The following ANK1 variants were observed in gnomAD, a reference collection of about 807,000 sequenced individuals.
ANK1 encodes the protein ankyrin 1, also known as ankyrin-1.
Under a neutral mutation model 210.4 loss-of-function variants are expected in ANK1, and 51 were observed. The ratio of observed to expected loss-of-function variants is 0.24; its 90% CI spans 0.19 to 0.31. ANK1 has a LOEUF of 0.31. Among genes scored for constraint, ANK1 ranks in the 10% least tolerant of loss-of-function variants. The probability of loss-of-function intolerance (pLI) is 1.00; values close to 1 mark genes in which losing one functional copy is unlikely to be tolerated. For synonymous variants in ANK1, 967 were observed against 1,025.9 expected (o/e 0.94, Z 1.10); for missense variants, 2,051 against 2,504.4 (o/e 0.82, Z 3.86).
chr8:41,704,050 C>T lies in ANK1; in HGVS notation c.2286G>A (p.Glu762=). Residue 762 remains glutamate (E), a synonymous_variant, in exon 20 of 43, where the codon GAG becomes GAA. Transcript: ENST00000289734. The surrounding 1 kb of genome is among the most constrained non-coding windows in gnomAD (Gnocchi z 4.1). ...GAGAGAGTGTACTCACCGAGCTGAC[C>T]TCGTTTGGGGAAGCACCGTTTTTCA... ...LLLKNGASPN[E]VSSDGTTPLA... 2 of 1,614,026 alleles carry T rather than the reference C, an allele frequency of 1.2e-6. No homozygotes were observed. Among genetic ancestry groups the T allele is most frequent in the Admixed American group, 1.7e-5 (1 of 60,022 alleles).
intron 2 of ANK1, among the ~76,000 whole-genome samples, chr8:41,737,003 A>T (rs1001785929): frequency 6.6e-6 from 1 of 152,108 alleles, no homozygotes; most frequent in African/African-American, 2.4e-5. Flanking sequence ...CCCGCTAAAA[A>T]CTACTGTGAT....
At chr8:41,844,538 C>T (rs1014770370) in intron 1 of ANK1, among the ~76,000 whole-genome samples, 3 of 152,146 alleles carry the variant, frequency 2.0e-5, no homozygotes, top group Non-Finnish European at 4.4e-5. Context: ...CACACTGCCA[C>T]AGGGGGGCGG....
At chr8:41,703,442 ATATATATATTT>A (rs1189123335) in intron 20 of ANK1, among the ~76,000 whole-genome samples, 3 of 66,614 alleles carry the variant, frequency 4.5e-5, no homozygotes, top group East Asian at 3.8e-4. Context: ...ATATATATAT[ATATATATATTT>A]TTTTTTTTTT....
intron 39 of ANK1, among the ~76,000 whole-genome samples, chr8:41,664,617 G>T (rs1408611759): frequency 6.6e-6 from 1 of 152,098 alleles, no homozygotes; most frequent in Non-Finnish European, 1.5e-5. Flanking sequence ...GGGCACCAGA[G>T]GGCAGGTTCT....
rs559751673 is a variant in ANK1, at chr8:41,743,760, C to T, written c.130-9691G>A. Among the ~76,000 whole-genome samples, 28 of 152,238 alleles carry T rather than the reference C, an allele frequency of 1.8e-4. 1 individual carries two copies. The East Asian group carries it at 2.7e-3, about 15-fold the overall frequency. On this transcript the variant is annotated intron_variant, in intron 2 of 42. Coordinates refer to ENST00000289734, the MANE Select transcript of ANK1 (RefSeq NM_000037.4). ...GGAGAGGAAAGGCTAGAAAGAATTC[C>T]GAGCACTGGGCTGGAACCAGAAATA...
At chr8:41,693,818 C>A in intron 29 of ANK1, 80 bp downstream of exon 29, 1 of 1,482,486 alleles carries the variant, frequency 6.7e-7, no homozygotes, top group South Asian at 1.2e-5. Context: ...GCTGGCCTCG[C>A]CTTCTCGAGT....
chr8:41,709,137 A>AAAG, intron 16 of ANK1, among the ~76,000 whole-genome samples, 162 bp from the exon 17 acceptor site: 1 of 81,358 alleles, frequency 1.2e-5, no homozygotes, highest in Non-Finnish European at 2.7e-5. Context: ...AACAAACAAA[A>AAAG]TCCATTTGAT....
At chr8:41,743,113 A>G (rs1275019404) in intron 2 of ANK1, among the ~76,000 whole-genome samples, 1 of 152,192 alleles carries the variant, frequency 6.6e-6, no homozygotes, top group Non-Finnish European at 1.5e-5. Flanking sequence ...GAGTGAGACC[A>G]CAACAGAATA....
intron 42 of ANK1, among the ~76,000 whole-genome samples, chr8:41,659,332 A>G (rs1003000457): frequency 6.6e-6 from 1 of 152,252 alleles, no homozygotes; most frequent in African/African-American, 2.4e-5. Context: ...TATGAGGCAC[A>G]GAGGCAGAGT....
At chr8:41,883,392 C>T (rs542886601) in intron 1 of ANK1, among the ~76,000 whole-genome samples, 1 of 152,206 alleles carries the variant, frequency 6.6e-6, no homozygotes, top group Non-Finnish European at 1.5e-5. Context: ...GCCCTGTGGC[C>T]TTGTAAACCC....
chr8:41,760,041 C>T (rs1290077846), intron 1 of ANK1, among the ~76,000 whole-genome samples: 1 of 152,210 alleles, frequency 6.6e-6, no homozygotes, highest in Non-Finnish European at 1.5e-5. Context: ...GAGAGTGAAG[C>T]TCTTCTGTTC....
At chr8:41,827,636 A>G (rs1805617272) in intron 1 of ANK1, among the ~76,000 whole-genome samples, 1 of 152,024 alleles carries the variant, frequency 6.6e-6, no homozygotes, top group South Asian at 2.1e-4. Flanking sequence ...ACACACATAC[A>G]CACACACACT....
chr8:41,879,706 A>G (rs1224527015), intron 1 of ANK1, among the ~76,000 whole-genome samples: 1 of 152,178 alleles, frequency 6.6e-6, no homozygotes, highest in Non-Finnish European at 1.5e-5. Context: ...AGTGAGAAGG[A>G]CCAACAACCA....
At chr8:41,743,886 T>C (rs1835406275) in intron 2 of ANK1, among the ~76,000 whole-genome samples, 1 of 152,080 alleles carries the variant, frequency 6.6e-6, no homozygotes, top group Non-Finnish European at 1.5e-5. Context: ...CACACAGACA[T>C]ATGACAACCC....
At chr8:41,730,029 A>G (rs887247442) in intron 3 of ANK1, among the ~76,000 whole-genome samples, 1 of 152,266 alleles carries the variant, frequency 6.6e-6, no homozygotes. Context: ...GACAGTATGT[A>G]GTTCTTTTTA....
intron 37 of ANK1, among the ~76,000 whole-genome samples, chr8:41,678,725 T>C (rs1016655062): frequency 2.0e-5 from 3 of 152,256 alleles, no homozygotes; most frequent in Non-Finnish European, 4.4e-5. Flanking sequence ...CTTAGCTTTT[T>C]TGAATACCTG....
intron 42 of ANK1, chr8:41,660,344 C>G: frequency 2.2e-6 from 1 of 451,772 alleles, no homozygotes; most frequent in Non-Finnish European, 4.5e-6. Context: ...GCTGCTCGGT[C>G]CCAGAGTCAG....
At chr8:41,834,385 G>C (rs1322713609) in intron 1 of ANK1, among the ~76,000 whole-genome samples, 2 of 152,264 alleles carry the variant, frequency 1.3e-5, no homozygotes, top group African/African-American at 4.8e-5. Context: ...AAGCTGGCTA[G>C]GAGCAGGCAA....
intron 1 of ANK1, among the ~76,000 whole-genome samples, chr8:41,847,921 C>G (rs1810371791): frequency 6.6e-6 from 1 of 152,256 alleles, no homozygotes; most frequent in East Asian, 1.9e-4. Context: ...ATAATCCCAG[C>G]ACTTTGGGAG....
Sources: allele counts gnomAD v4.1 joint callset (sites outside exome capture counted in the v4.1 genomes callset), GRCh38; gene constraint gnomAD v4.1.1; non-coding constraint Gnocchi (gnomAD v3.1); transcripts MANE v1.5; gene names NCBI Gene and HGNC (gene_info 2026-07-23, HGNC 2026-07-21).